FOXP2: variants seen among roughly 807,000 people sequenced by gnomAD.
FOXP2 encodes the protein forkhead box P2.
A neutral mutation model predicts 115.8 loss-of-function variants in FOXP2; 12 were observed. The ratio of observed to expected loss-of-function variants is 0.10; its 90% CI spans 0.07 to 0.17. The LOEUF is 0.17. FOXP2 is among the 10% of genes least tolerant of loss of function. The pLI is 1.00. For synonymous variants in FOXP2, 328 were observed against 297.7 expected (o/e 1.10, Z -1.05); for missense variants, 629 against 843.5 (o/e 0.75, Z 3.15).
At chr7:114,379,942 G>A (rs1474187566) in intron 2 of FOXP2, among the ~76,000 whole-genome samples, 6 of 152,088 alleles carry the variant, frequency 3.9e-5, no homozygotes, top group African/African-American at 1.4e-4. Flanking sequence ...CTGAAGGGGA[G>A]GGAAGTATGT....
chr7:114,589,993 A>G (rs746041184), intron 3 of FOXP2, among the ~76,000 whole-genome samples: 4 of 152,118 alleles, frequency 2.6e-5, no homozygotes, highest in Non-Finnish European at 4.4e-5. Context: ...ATTCTGTTAT[A>G]CTAAACCAGA....
chr7:114,120,343 T>G (rs1791525404), intron 1 of FOXP2, among the ~76,000 whole-genome samples: 1 of 152,162 alleles, frequency 6.6e-6, no homozygotes, highest in Non-Finnish European at 1.5e-5. Flanking sequence ...TATGGCGTTA[T>G]GGCAAATCCA....
chr7:114,531,464 T>A (rs2129275583), intron 2 of FOXP2, among the ~76,000 whole-genome samples: 2 of 151,972 alleles, frequency 1.3e-5, no homozygotes, highest in Middle Eastern at 3.4e-3. Context: ...AATTGTTTAT[T>A]GAAATTCAGT....
At chr7:114,657,320 C>T (rs76007515) in intron 10 of FOXP2, among the ~76,000 whole-genome samples, 1 of 152,142 alleles carries the variant, frequency 6.6e-6, no homozygotes, top group South Asian at 2.1e-4. Flanking sequence ...CAGGGTACAT[C>T]AGCATTAAGT....
At chr7:114,424,804 T>G (rs188564244) in intron 1 of FOXP2, among the ~76,000 whole-genome samples, 1 of 151,714 alleles carries the variant, frequency 6.6e-6, no homozygotes, top group East Asian at 1.9e-4. Context: ...CTGCTCATGT[T>G]TTCTGTTGTT....
At chr7:114,656,306 C>T in intron 10 of FOXP2, 2 of 200,564 alleles carry the variant, frequency 1.0e-5, no homozygotes, top group South Asian at 5.3e-5. Context: ...TGTAACCATC[C>T]AGCTGAGTTT....
At chr7:114,144,857 G>T (rs1340474840) in intron 1 of FOXP2, among the ~76,000 whole-genome samples, 6 of 152,102 alleles carry the variant, frequency 3.9e-5, no homozygotes. Context: ...CTCTTAAAAT[G>T]AGTGTTATCA....
chr7:114,606,828 C>A lies in FOXP2; in HGVS notation c.259-21712C>A, dbSNP rs540133402. On this transcript the variant is annotated intron_variant, in intron 3 of 16. Transcript: ENST00000350908. ...TTAGAGGAAGGCTAATATGTGAGTG[C>A]TTACAAAGTTAACTGCTGTGCTAAG... Among the ~76,000 whole-genome samples, 4 of 152,244 alleles carry A rather than the reference C, an allele frequency of 2.6e-5. No individual in the cohort carries two copies. In the South Asian group the frequency reaches 8.3e-4, roughly 32 times the overall value.
chr7:114,292,106 A>G (rs1796619172), intron 2 of FOXP2, among the ~76,000 whole-genome samples: 1 of 150,814 alleles, frequency 6.6e-6, no homozygotes, highest in Non-Finnish European at 1.5e-5. Context: ...TAAAATAATC[A>G]TCAGAGTGAC....
chr7:114,344,051 C>T (rs1304862341), intron 2 of FOXP2, among the ~76,000 whole-genome samples: 1 of 148,152 alleles, frequency 6.7e-6, no homozygotes, highest in South Asian at 2.2e-4. Flanking sequence ...TGTCTGTTTC[C>T]TTCATTGATA....
chr7:114,193,383 A>C (rs1278473185), intron 1 of FOXP2, among the ~76,000 whole-genome samples: 3 of 151,962 alleles, frequency 2.0e-5, no homozygotes, highest in Non-Finnish European at 4.4e-5. Flanking sequence ...TGACAAACTA[A>C]AATACATTCT....
chr7:114,611,858 A>G (rs937578499), intron 3 of FOXP2, among the ~76,000 whole-genome samples: 3 of 152,162 alleles, frequency 2.0e-5, no homozygotes, highest in African/African-American at 7.2e-5. Flanking sequence ...TGCTGCCTTC[A>G]TGGGTAAAGA....
At chr7:114,159,614 G>A (rs1455387152), upstream of FOXP2, among the ~76,000 whole-genome samples, 2 of 152,116 alleles carry the variant, frequency 1.3e-5, no homozygotes, top group Non-Finnish European at 2.9e-5. Flanking sequence ...ACTTCTGAGA[G>A]GGAAAGGGAT....
intron 1 of FOXP2, among the ~76,000 whole-genome samples, chr7:114,088,480 G>A (rs542323730): frequency 1.3e-5 from 2 of 152,324 alleles, no homozygotes; most frequent in Non-Finnish European, 2.9e-5. Context: ...TGAAGTGGAC[G>A]TTTTCCAACT....
chr7:114,221,851 G>A (rs1310658880), intron 1 of FOXP2, among the ~76,000 whole-genome samples: 1 of 152,074 alleles, frequency 6.6e-6, no homozygotes, highest in East Asian at 1.9e-4. Flanking sequence ...CACAAACTTA[G>A]ATAAATAGCT....
At position 114,402,789 on chromosome 7, in the gene FOXP2, G is replaced by A. The variant is rs114759681; in HGVS notation, c.-10-23713G>A. ...CCACAGGCTCACACCACCACACCCG[G>A]ATATTGATTTTTGTTTGTTTGTTTG... On this transcript the variant is annotated intron_variant, in intron 2 of 17. Coordinates refer to the FOXP2 transcript ENST00000634411. 7.2e-3 allele frequency among the ~76,000 whole-genome samples: 1,093 copies of A among 151,928 alleles called. 15 individuals carry two copies. Among genetic ancestry groups the A allele is most frequent in the African/African-American group, 0.025 (1,032 of 41,436 alleles).
intron 2 of FOXP2, among the ~76,000 whole-genome samples, chr7:114,462,637 C>T (rs2129225603): frequency 6.6e-6 from 1 of 152,234 alleles, no homozygotes; most frequent in East Asian, 1.9e-4. Flanking sequence ...TCCCAAAGTG[C>T]TAGGATTACA....
chr7:114,642,812 A>ATATTTTTTTTTT (rs1308357594), intron 7 of FOXP2, among the ~76,000 whole-genome samples, 189 bp downstream of exon 7: 2 of 72,430 alleles, frequency 2.8e-5, no homozygotes, highest in Non-Finnish European at 2.3e-5. Context: ...ATATATATAT[A>ATATTTTTTTTTT]TTTTTTTTTT....
chr7:114,148,269 A>T (rs1792431938), intron 1 of FOXP2, among the ~76,000 whole-genome samples: 1 of 152,198 alleles, frequency 6.6e-6, no homozygotes, highest in African/African-American at 2.4e-5. Flanking sequence ...CTTCTCATCC[A>T]GGTCCTTTTT....
Sources: gnomAD v4.1 joint callset for allele counts (sites outside exome capture counted in the v4.1 genomes callset) on GRCh38, gnomAD v4.1.1 for gene constraint, MANE v1.5 for transcripts, NCBI Gene and HGNC (gene_info 2026-07-23, HGNC 2026-07-21) for gene names.